The following GOLGA3 variants were observed in gnomAD, a reference collection of about 807,000 sequenced individuals.
GOLGA3 encodes the protein golgin A3.
Under a neutral mutation model 169.4 loss-of-function variants are expected in GOLGA3, and 75 were observed. The observed-to-expected ratio is 0.44, with a 90% confidence interval of 0.37 to 0.54. GOLGA3 has a LOEUF of 0.54. Among genes scored for constraint, GOLGA3 ranks in the 20% least tolerant of loss-of-function variants. The pLI, the probability that GOLGA3 is intolerant of heterozygous loss-of-function variation, is 0.00. For synonymous variants in GOLGA3, 824 were observed against 822.4 expected (o/e 1.00, Z -0.03); for missense variants, 1,899 against 1,930.0 (o/e 0.98, Z 0.30).
chr12:132,783,910 A>T, intron 16 of GOLGA3: 1 of 1,431,224 alleles, frequency 7.0e-7, no homozygotes, highest in Non-Finnish European at 9.1e-7. Context: ...AAGCATTTGA[A>T]CTGAGAAGGG....
intron 4 of GOLGA3, among the ~76,000 whole-genome samples, chr12:132,812,192 TACAC>T (rs140337948): frequency 3.0e-5 from 4 of 135,008 alleles, no homozygotes; most frequent in South Asian, 2.4e-4. Flanking sequence ...TGTCTCAAAA[TACAC>T]ACACACACAC....
intron 13 of GOLGA3, among the ~76,000 whole-genome samples, chr12:132,787,014 C>T (rs1317830717): frequency 2.6e-5 from 4 of 151,730 alleles, no homozygotes; most frequent in South Asian, 2.1e-4. Context: ...AGTGCAGGGG[C>T]GTGATCTCAG....
At chr12:132,809,596 T>C (rs992913887) in intron 4 of GOLGA3, among the ~76,000 whole-genome samples, 4 of 152,234 alleles carry the variant, frequency 2.6e-5, no homozygotes, top group Non-Finnish European at 5.9e-5. Context: ...TGGCCCTGTC[T>C]GGGCATAACA....
chr12:132,811,766 T>G, intron 4 of GOLGA3: 2 of 663,716 alleles, frequency 3.0e-6, no homozygotes, highest in South Asian at 6.8e-5. Flanking sequence ...CCAGCCAGAT[T>G]AAAGTATTTA....
chr12:132,783,542 G>T (rs11147072), intron 16 of GOLGA3, among the ~76,000 whole-genome samples: 2 of 152,020 alleles, frequency 1.3e-5, no homozygotes, highest in East Asian at 1.9e-4. Context: ...GCCACCAGCA[G>T]CGCTGAAGCG....
At chr12:132,782,831 G>C (rs192888815) in intron 16 of GOLGA3, among the ~76,000 whole-genome samples, 172 of 149,278 alleles carry the variant, frequency 1.2e-3, no homozygotes, top group Non-Finnish European at 2.0e-3. Context: ...AGCTGAGATT[G>C]TGCCCCTGCA....
At chr12:132,784,040 C>T in intron 16 of GOLGA3, 124 bp downstream of exon 16, 1 of 1,535,634 alleles carries the variant, frequency 6.5e-7, no homozygotes, top group East Asian at 2.4e-5. Flanking sequence ...AAGGTGGCAA[C>T]ACCAAAAGTA....
rs562588957 is a variant in GOLGA3 at position 132,783,642 on chromosome 12, G to A, written c.3267+522C>T. ...CGCCCAGCCTGGAGTGCAGTGGCGC[G>A]ATCTTGGCTCACTGCAACCTCCGCT... On this transcript the variant is annotated intron_variant, in intron 16 of 23. Transcript: ENST00000450791. 9.2e-5 allele frequency among the ~76,000 whole-genome samples: 14 copies of A among 152,264 alleles called. No individual in the cohort carries two copies. In the South Asian group the frequency reaches 1.0e-3, roughly 11 times the overall value.
At chr12:132,774,922 T>C (rs2045138356) in intron 22 of GOLGA3, 1 of 569,910 alleles carries the variant, frequency 1.8e-6, no homozygotes, top group Admixed American at 3.4e-5. Context: ...AACAAAGTGG[T>C]ATTTGAATTC....
intron 11 of GOLGA3, among the ~76,000 whole-genome samples, chr12:132,792,762 T>A (rs12304695): frequency 6.3e-5 from 4 of 63,590 alleles, no homozygotes; most frequent in Admixed American, 1.5e-4. Context: ...CCACACGGAC[T>A]GACCGCACGG....
intron 12 of GOLGA3, among the ~76,000 whole-genome samples, chr12:132,790,130 G>C (rs987987243): frequency 8.6e-5 from 13 of 152,016 alleles, no homozygotes; most frequent in Admixed American, 8.5e-4. Context: ...AGGAGATTGA[G>C]ACCATCCTGG....
rs778361379 is a variant in GOLGA3 at position 132,777,713 on chromosome 12, G to A, written c.3675C>T (p.Ala1225=). Residue 1225 remains alanine (A), a synonymous_variant, in exon 19 of 24, where the codon GCC becomes GCT. Transcript: ENST00000450791. The surrounding 1 kb of genome is among the most constrained non-coding windows in gnomAD (Gnocchi z 4.7). The stretch of plus-strand genomic sequence containing the variant: ...GCAGCTTCTGCACCAGGTGTTCCTT[G>A]GCCTGCAGCTCCTTCTTCACCTCAC... ...ELSEVKKELQ[A]KEHLVQKLQA... 6.2e-6 allele frequency: 10 copies of A among 1,614,110 alleles called. No homozygotes were observed. The South Asian group carries it at 1.1e-4, about 18-fold the overall frequency.
In GOLGA3 at chr12:132,769,002, T is replaced by C. The variant is rs1455757039; in HGVS notation, c.*4103A>G. The C allele has an allele frequency of 6.5e-6, 1 of 152,674 alleles. No individual in the cohort carries two copies. The highest frequency in any genetic ancestry group is 1.5e-5 in the Non-Finnish European group (1 of 68,040). 9.5% of individuals were successfully genotyped at this position (152,674 alleles called of 1,614,324 possible). ...AAAAAATCAACGTGCTTTTTAAAGT[T>C]ACACTTTGTCAGACACGGTGACCCC... On this transcript the variant is annotated 3_prime_UTR_variant, in exon 24 of 24. Coordinates refer to ENST00000450791, the MANE Select transcript of GOLGA3 (RefSeq NM_001389683.1).
At chr12:132,786,048 C>A (rs1397342737) in intron 15 of GOLGA3, among the ~76,000 whole-genome samples, 1 of 152,222 alleles carries the variant, frequency 6.6e-6, no homozygotes, top group Admixed American at 6.5e-5. Flanking sequence ...GGCAGGCCCT[C>A]CCTCTGCCCC....
At position 132,786,410 on chromosome 12, in the gene GOLGA3, C is replaced by T; in HGVS notation, c.3052G>A (p.Glu1018Lys). Residue 1018 changes from glutamate to lysine, a missense_variant, in exon 15 of 24, where the codon GAG (glutamate) becomes AAG (lysine). Physicochemically the swap from Glu to Lys is moderately conservative, Grantham distance 56 (BLOSUM62 1). Transcript: ENST00000450791. ...RRLQEALAAK[E>K]AADAELGQLR... ...TGGCCCAGCTCCGCGTCCGCAGCCT[C>T]CTTGGCCGCGAGGGCCTCCTGCAGG... 6.2e-7 allele frequency: 1 copy of T among 1,613,200 alleles called. No individual in the cohort carries two copies. The highest frequency in any genetic ancestry group is 8.5e-7 in the Non-Finnish European group (1 of 1,179,732).
chr12:132,815,246 T>C (rs922500719), intron 3 of GOLGA3, among the ~76,000 whole-genome samples: 1 of 152,240 alleles, frequency 6.6e-6, no homozygotes, highest in African/African-American at 2.4e-5. Flanking sequence ...GATATTTATA[T>C]AAGTCGGCAA....
intron 7 of GOLGA3, among the ~76,000 whole-genome samples, chr12:132,803,468 G>A (rs1949232263): frequency 6.6e-6 from 1 of 152,170 alleles, no homozygotes; most frequent in Non-Finnish European, 1.5e-5. Flanking sequence ...GGTTAGGACT[G>A]GGCGGCCTCA....
chr12:132,785,112 G>A (rs2045828441), intron 15 of GOLGA3, among the ~76,000 whole-genome samples: 1 of 152,234 alleles, frequency 6.6e-6, no homozygotes, highest in African/African-American at 2.4e-5. Context: ...CACCACTTGC[G>A]AGGGGTGAAG....
chr12:132,782,144 G>A, intron 17 of GOLGA3, 152 bp downstream of exon 17: 1 of 745,010 alleles, frequency 1.3e-6, no homozygotes, highest in Non-Finnish European at 2.3e-6. Flanking sequence ...AGGGCCGTGG[G>A]TCACCCGGAC....
Sources: allele counts gnomAD v4.1 joint callset (sites outside exome capture counted in the v4.1 genomes callset), GRCh38; gene constraint gnomAD v4.1.1; non-coding constraint Gnocchi (gnomAD v3.1); transcripts MANE v1.5; gene names NCBI Gene and HGNC (gene_info 2026-07-23, HGNC 2026-07-21).